Variants in MAGI2 observed in about 807,000 individuals in gnomAD.
The protein encoded by MAGI2 is membrane associated guanylate kinase, WW and PDZ domain containing 2, also known as membrane-associated guanylate kinase, WW and PDZ domain-containing protein 2.
MAGI2 carries 35 observed loss-of-function variants against 133.3 expected under a neutral mutation model. That is an observed-to-expected ratio of 0.26 (90% CI 0.20 to 0.35). The LOEUF is 0.35. MAGI2 is among the 10% of genes least tolerant of loss of function. The probability of loss-of-function intolerance (pLI) is 1.00; values close to 1 mark genes in which losing one functional copy is unlikely to be tolerated. For synonymous variants in MAGI2, 729 were observed against 710.6 expected, an observed-to-expected ratio of 1.03 and a Z score of -0.41; for missense variants, 1,636 against 1,863.4, an observed-to-expected ratio of 0.88 and a Z score of 2.25.
At chr7:79,202,426 A>G (rs1299853927) in intron 1 of MAGI2, among the ~76,000 whole-genome samples, 1 of 151,808 alleles carries the variant, frequency 6.6e-6, no homozygotes, top group Non-Finnish European at 1.5e-5. Flanking sequence ...TAGGGCTGTT[A>G]TTTTTAGTTC....
intron 2 of MAGI2, among the ~76,000 whole-genome samples, chr7:78,653,301 T>C (rs1458669238): frequency 1.3e-5 from 2 of 152,144 alleles, no homozygotes; most frequent in East Asian, 3.9e-4. Flanking sequence ...ACCCAAAGGA[T>C]TATAAATCAT....
At chr7:78,346,136 C>T in intron 7 of MAGI2, 93 bp from the exon 8 acceptor site, 1 of 1,399,924 alleles carries the variant, frequency 7.1e-7, no homozygotes, top group Admixed American at 1.9e-5. Flanking sequence ...TGATTAAGGG[C>T]CACCTTATCT....
In MAGI2 at chr7:79,295,004, C is replaced by T. The variant is rs1836817839; in HGVS notation, c.301+158016G>A. The stretch of plus-strand genomic sequence containing the variant: ...CTGCCCGCCTCGGCCTCCCAAAGTG[C>T]TGGGATTACAGGCTTGAGCCACCGC... On this transcript the variant is annotated intron_variant, in intron 1 of 21. Coordinates refer to ENST00000354212, the MANE Select transcript of MAGI2 (RefSeq NM_012301.4). Among the ~76,000 whole-genome samples the T allele has an allele frequency of 2.6e-5, 4 of 151,920 alleles. No homozygotes were observed. In the South Asian group the frequency reaches 8.3e-4, roughly 32 times the overall value.
intron 2 of MAGI2, among the ~76,000 whole-genome samples, chr7:78,636,252 T>C (rs1036041453): frequency 1.3e-5 from 2 of 152,146 alleles, no homozygotes; most frequent in Non-Finnish European, 2.9e-5. Flanking sequence ...CCTCAGTAAT[T>C]ATTTCAAAAC....
chr7:78,099,602 T>C (rs1181157977), intron 20 of MAGI2, among the ~76,000 whole-genome samples: 3 of 151,804 alleles, frequency 2.0e-5, no homozygotes, highest in Admixed American at 6.6e-5. Flanking sequence ...ATGATCTATA[T>C]AAAATTGTGT....
intron 2 of MAGI2, among the ~76,000 whole-genome samples, chr7:78,963,041 C>A (rs560605224): frequency 6.6e-6 from 1 of 152,226 alleles, no homozygotes; most frequent in Admixed American, 6.6e-5. Flanking sequence ...CTTGCTCCCT[C>A]AAACTTGGAA....
At chr7:78,288,909 T>TAACA (rs1469666641) in intron 9 of MAGI2, among the ~76,000 whole-genome samples, 1 of 151,826 alleles carries the variant, frequency 6.6e-6, no homozygotes, top group East Asian at 1.9e-4. Context: ...GAAGGAAAAC[T>TAACA]AACAAACAGA....
chr7:78,926,365 T>C (rs1799692603), intron 2 of MAGI2, among the ~76,000 whole-genome samples: 1 of 152,054 alleles, frequency 6.6e-6, no homozygotes, highest in Non-Finnish European at 1.5e-5. Context: ...CAGATCTTCC[T>C]CCTGAGTTCA....
intron 2 of MAGI2, among the ~76,000 whole-genome samples, chr7:78,828,010 A>G (rs950766316): frequency 4.6e-5 from 7 of 152,106 alleles, no homozygotes; most frequent in African/African-American, 1.4e-4. Flanking sequence ...TCAGCCTCCC[A>G]AGTAGCTTGG....
chr7:79,055,422 T>C (rs1457393595), intron 1 of MAGI2, among the ~76,000 whole-genome samples: 1 of 152,208 alleles, frequency 6.6e-6, no homozygotes, highest in African/African-American at 2.4e-5. Context: ...TTCTAACCAA[T>C]GATGCCCAAG....
chr7:78,751,343 T>G (rs1823438675), intron 2 of MAGI2, among the ~76,000 whole-genome samples: 1 of 152,204 alleles, frequency 6.6e-6, no homozygotes, highest in Non-Finnish European at 1.5e-5. Flanking sequence ...TTCACATTAT[T>G]CCTAAAATTA....
intron 1 of MAGI2, among the ~76,000 whole-genome samples, chr7:79,136,048 G>GGAAA (rs1397100255): frequency 4.8e-4 from 31 of 64,448 alleles, no homozygotes; most frequent in African/African-American, 1.7e-3. Flanking sequence ...AAAGAAAGAA[G>GGAAA]GAAAGAAAGA....
chr7:78,576,595 G>A (rs778367103), intron 3 of MAGI2, among the ~76,000 whole-genome samples: 6 of 147,450 alleles, frequency 4.1e-5, no homozygotes, highest in Non-Finnish European at 6.1e-5. Flanking sequence ...GAAGACCACA[G>A]AGGAAGGAAT....
intron 6 of MAGI2, among the ~76,000 whole-genome samples, chr7:78,448,622 A>T (rs893121387): frequency 5.9e-5 from 9 of 152,090 alleles, no homozygotes; most frequent in Admixed American, 1.3e-4. Flanking sequence ...ACAAGGTGCC[A>T]TTTCAAAAAA....
chr7:79,396,553 C>T (rs1289110215), intron 1 of MAGI2, among the ~76,000 whole-genome samples: 1 of 152,140 alleles, frequency 6.6e-6, no homozygotes, highest in South Asian at 2.1e-4. Flanking sequence ...AAACAAGAGG[C>T]TCTGAACCAT....
rs559891441 is a variant in MAGI2 at position 78,360,608 on chromosome 7, A to G, written c.1103+8548T>C. Among the ~76,000 whole-genome samples the G allele has an allele frequency of 3.3e-5, 5 of 152,364 alleles. No individual in the cohort carries two copies. In the South Asian group the frequency reaches 1.0e-3, roughly 32 times the overall value. ...AGAATAATCATCATCTACCTGTCAT[A>G]GAACACTGCCTTGGTGAGTGGCAAA... On this transcript the variant is annotated intron_variant, in intron 7 of 21. Transcript: ENST00000354212.
At chr7:78,187,175 A>T (rs558637285) in intron 12 of MAGI2, among the ~76,000 whole-genome samples, 2 of 152,318 alleles carry the variant, frequency 1.3e-5, no homozygotes, top group South Asian at 4.1e-4. Context: ...ACATAAATTC[A>T]CATTGTAGGT....
At chr7:79,271,194 C>T (rs547011632) in intron 1 of MAGI2, among the ~76,000 whole-genome samples, 11 of 152,202 alleles carry the variant, frequency 7.2e-5, no homozygotes, top group East Asian at 5.8e-4. Context: ...CTCTGAACTC[C>T]GGGACAGCAC....
At chr7:78,972,378 T>C (rs903789807) in intron 2 of MAGI2, among the ~76,000 whole-genome samples, 3 of 151,986 alleles carry the variant, frequency 2.0e-5, no homozygotes, top group Non-Finnish European at 4.4e-5. Context: ...GCATATTATA[T>C]TTTTTATAGG....
Sources: allele counts gnomAD v4.1 joint callset (sites outside exome capture counted in the v4.1 genomes callset), GRCh38; gene constraint gnomAD v4.1.1; transcripts MANE v1.5; gene names NCBI Gene and HGNC (gene_info 2026-07-23, HGNC 2026-07-21).